The following ESR1 variants were observed in gnomAD, a reference collection of about 807,000 sequenced individuals.
ESR1 encodes estrogen receptor.
Under a neutral mutation model 52.7 loss-of-function variants are expected in ESR1, and 12 were observed. That is an observed-to-expected ratio of 0.23 (90% CI 0.15 to 0.37). The LOEUF is 0.37. ESR1 is among the 10% of genes least tolerant of loss of function. ESR1 has a pLI of 1.00. For missense variants in ESR1, 584 were observed against 779.7 expected (o/e 0.75, Z 2.99); for synonymous variants, 305 against 316.8 (o/e 0.96, Z 0.39).
chr6:151,697,393 C>T (rs191673678), intron 1 of ESR1, among the ~76,000 whole-genome samples: 140 of 152,294 alleles, frequency 9.2e-4, no homozygotes, highest in Middle Eastern at 3.4e-3. Context: ...AAGCTTGGTG[C>T]CCCATCTTCC....
intron 2 of ESR1, among the ~76,000 whole-genome samples, chr6:151,705,783 T>A (rs895200489): frequency 6.6e-6 from 1 of 152,192 alleles, no homozygotes; most frequent in African/African-American, 2.4e-5. Context: ...TGCCTTTATG[T>A]CAGGTGGCAA....
chr6:152,107,223 T>C (rs577552074), downstream of ESR1, among the ~76,000 whole-genome samples: 2 of 152,320 alleles, frequency 1.3e-5, no homozygotes, highest in Admixed American at 6.5e-5. Flanking sequence ...TGAGACTCTC[T>C]TTACATATAT....
intron 4 of ESR1, among the ~76,000 whole-genome samples, chr6:151,953,806 C>T (rs2128564527): frequency 6.6e-6 from 1 of 152,192 alleles, no homozygotes; most frequent in African/African-American, 2.4e-5. Flanking sequence ...ATATAACTCC[C>T]TCTGTAACCG....
chr6:151,796,800 C>A (rs1389261832), intron 2 of ESR1, among the ~76,000 whole-genome samples: 1 of 152,188 alleles, frequency 6.6e-6, no homozygotes, highest in Non-Finnish European at 1.5e-5. Flanking sequence ...GTTGTCAAAG[C>A]AGTCTGAAGG....
intron 2 of ESR1, among the ~76,000 whole-genome samples, chr6:151,750,520 T>C (rs1783823084): frequency 6.6e-6 from 1 of 152,166 alleles, no homozygotes; most frequent in Non-Finnish European, 1.5e-5. Context: ...TTAAAAGGTT[T>C]CTTTTAGTGA....
chr6:152,056,442 T>TA (rs2047110240), intron 5 of ESR1, among the ~76,000 whole-genome samples: 1 of 152,220 alleles, frequency 6.6e-6, no homozygotes, highest in Non-Finnish European at 1.5e-5. Flanking sequence ...AAAGAGATGC[T>TA]AATGGGTAAC....
intron 1 of ESR1, among the ~76,000 whole-genome samples, chr6:151,808,725 G>C (rs918238360): frequency 2.0e-5 from 3 of 152,200 alleles, no homozygotes; most frequent in African/African-American, 7.2e-5. Flanking sequence ...AACACGGGGC[G>C]CTTTGAGTCA....
At chr6:151,738,189 A>G (rs1285505787) in intron 2 of ESR1, among the ~76,000 whole-genome samples, 1 of 152,190 alleles carries the variant, frequency 6.6e-6, no homozygotes, top group African/African-American at 2.4e-5. Context: ...AATCAAATCT[A>G]TCAATCATTT....
At chr6:151,917,855 T>C (rs777201864) in intron 3 of ESR1, among the ~76,000 whole-genome samples, 37 of 152,204 alleles carry the variant, frequency 2.4e-4, no homozygotes, top group African/African-American at 8.0e-4. Flanking sequence ...TCAAAGTAAA[T>C]GATAATTTGC....
At chr6:152,120,826 G>A (rs2152516692) in intron 6 of ESR1, among the ~76,000 whole-genome samples, 1 of 152,320 alleles carries the variant, frequency 6.6e-6, no homozygotes, top group African/African-American at 2.4e-5. Context: ...CCTGCATTAT[G>A]GAAAGCACAG....
intron 4 of ESR1, among the ~76,000 whole-genome samples, chr6:151,993,824 A>T (rs184617672): frequency 1.6e-4 from 25 of 152,284 alleles, no homozygotes; most frequent in African/African-American, 5.8e-4. Flanking sequence ...AGAAGCCAGG[A>T]TCTGCACCAA....
intron 2 of ESR1, chr6:151,702,051 T>A (rs1014368258): frequency 6.6e-6 from 1 of 152,240 alleles, no homozygotes; most frequent in Admixed American, 6.5e-5. Context: ...CCTGACTTTG[T>A]CCGTGAATTG....
chr6:152,033,312 G>A (rs937190973), intron 5 of ESR1, among the ~76,000 whole-genome samples: 1 of 152,046 alleles, frequency 6.6e-6, no homozygotes, highest in African/African-American at 2.4e-5. Flanking sequence ...AAACTAAAGA[G>A]CTTCTGCACA....
At chr6:152,108,813 CG>C (rs1240990971) in intron 6 of ESR1, among the ~76,000 whole-genome samples, 6 of 152,192 alleles carry the variant, frequency 3.9e-5, no homozygotes, top group African/African-American at 1.4e-4. Flanking sequence ...AGAATTACCA[CG>C]TTTAGATTTG....
In ESR1 at chr6:152,098,608, C is replaced by T. The variant is rs2050826046; in HGVS notation, c.1554-124C>T. ...TCCCATCCTAAAGTGGGTCTTTAAA[C>T]AGGAAGAAAGAAAGATTGCTAAGTG... On this transcript the variant is annotated intron_variant, in intron 7 of 7. Coordinates refer to ENST00000206249, the MANE Select transcript of ESR1 (RefSeq NM_000125.4). This position sits in a 1 kb window ranked among gnomAD's most constrained non-coding sequence, Gnocchi z 5.1. The T allele has an allele frequency of 1.2e-5, 10 of 835,632 alleles. No homozygotes were observed. Among genetic ancestry groups the T allele is most frequent in the African/African-American group, 1.7e-5 (1 of 59,480 alleles). 51.8% of individuals were successfully genotyped at this position (835,632 alleles called of 1,614,324 possible). A position where few individuals can be genotyped will look rare whatever the true frequency, so the allele number is the denominator to read the frequency against.
At chr6:152,127,126 T>A (rs2053735082) in exon 7 of ESR1, 1 of 152,184 alleles carries the variant, frequency 6.6e-6, no homozygotes. Context: ...ACATTCTTGC[T>A]AATCCTAAAC....
chr6:152,099,858 G>A lies in ESR1; in HGVS notation c.*892G>A, dbSNP rs1399966308. 1 of 396,816 alleles carries A rather than the reference G, an allele frequency of 2.5e-6. No homozygotes were observed. Among genetic ancestry groups the A allele is most frequent in the Non-Finnish European group, 4.4e-6 (1 of 225,522 alleles). The allele number at this position is 396,816 out of a possible 1,614,324, so 24.6% of individuals were successfully genotyped here. A position where few individuals can be genotyped will look rare whatever the true frequency, so the allele number is the denominator to read the frequency against. On this transcript the variant is annotated 3_prime_UTR_variant, in exon 8 of 8. Transcript: ENST00000206249. Reference sequence around the variant, plus strand: ...CCTGTTCCAGTGGGCACTGTACTTGGATCTTCCCGGCGTGTGTGTGCCTTA... The same window carrying A: ...CCTGTTCCAGTGGGCACTGTACTTGAATCTTCCCGGCGTGTGTGTGCCTTA...
At chr6:152,109,504 A>G (rs886332418) in intron 6 of ESR1, among the ~76,000 whole-genome samples, 1 of 143,260 alleles carries the variant, frequency 7.0e-6, no homozygotes, top group Non-Finnish European at 1.5e-5. Context: ...CGTCTCTACC[A>G]AAAAAAAAAA....
At chr6:151,692,814 C>T (rs954247203) in intron 1 of ESR1, among the ~76,000 whole-genome samples, 5 of 152,142 alleles carry the variant, frequency 3.3e-5, no homozygotes, top group African/African-American at 1.2e-4. Context: ...CTATCTAAGG[C>T]GTATAACATT....
Sources: gnomAD v4.1 joint callset for allele counts (sites outside exome capture counted in the v4.1 genomes callset) on GRCh38, gnomAD v4.1.1 for gene constraint, Gnocchi (gnomAD v3.1) non-coding constraint, MANE v1.5 for transcripts, NCBI Gene and HGNC (gene_info 2026-07-23, HGNC 2026-07-21) for gene names.